ITPR2: variants seen among roughly 807,000 people sequenced by gnomAD.
ITPR2 encodes inositol 1,4,5-trisphosphate-gated calcium channel ITPR2.
In ITPR2, 207 loss-of-function variants were observed where a neutral mutation model predicts 317.1. That is an observed-to-expected ratio of 0.65 (90% CI 0.58 to 0.73). ITPR2 has a LOEUF of 0.73. ITPR2 is among the 30% of genes least tolerant of loss of function. The probability of loss-of-function intolerance (pLI) is 0.00; values close to 1 mark genes in which losing one functional copy is unlikely to be tolerated. For missense variants in ITPR2, 2,613 were observed against 3,284.0 expected, an observed-to-expected ratio of 0.80 and a Z score of 4.99; for synonymous variants, 1,156 against 1,149.1, an observed-to-expected ratio of 1.01 and a Z score of -0.12.
intron 39 of ITPR2, among the ~76,000 whole-genome samples, chr12:26,490,276 G>A (rs925247618): frequency 1.3e-5 from 2 of 152,144 alleles, no homozygotes; most frequent in African/African-American, 2.4e-5. Context: ...AGAAACAAGT[G>A]CATGGAAGCT....
intron 2 of ITPR2, among the ~76,000 whole-genome samples, chr12:26,779,019 C>A (rs1048426397): frequency 3.3e-5 from 5 of 152,166 alleles, no homozygotes; most frequent in African/African-American, 1.2e-4. Flanking sequence ...TATTGAGTGA[C>A]CCGAAAAGCT....
intron 2 of ITPR2, among the ~76,000 whole-genome samples, chr12:26,746,021 T>C (rs1949316408): frequency 6.6e-6 from 1 of 152,210 alleles, no homozygotes; most frequent in African/African-American, 2.4e-5. Context: ...ATTTTTTGTA[T>C]AGATCCTCAT....
chr12:26,536,802 A>G (rs1019127223), intron 37 of ITPR2, among the ~76,000 whole-genome samples: 3 of 152,204 alleles, frequency 2.0e-5, no homozygotes, highest in African/African-American at 7.2e-5. Flanking sequence ...TCAAGGTTCC[A>G]AAGTCTTAGA....
chr12:26,663,483 C>T (rs1947549163), intron 15 of ITPR2, among the ~76,000 whole-genome samples: 1 of 152,208 alleles, frequency 6.6e-6, no homozygotes. Flanking sequence ...CCCAGTGATT[C>T]TAATTTCATA....
At chr12:26,593,729 A>ATG (rs1945763491) in intron 32 of ITPR2, among the ~76,000 whole-genome samples, 1 of 85,680 alleles carries the variant, frequency 1.2e-5, no homozygotes, top group Admixed American at 9.8e-5. Context: ...AATCATTGCT[A>ATG]TTTTTTTGTT....
intron 52 of ITPR2, chr12:26,411,081 A>G: frequency 4.6e-6 from 2 of 438,918 alleles, no homozygotes; most frequent in South Asian, 2.6e-5. Flanking sequence ...CACATACCAC[A>G]GGGTAAATGT....
At chr12:26,669,830 G>C (rs917095733) in intron 13 of ITPR2, among the ~76,000 whole-genome samples, 1 of 152,220 alleles carries the variant, frequency 6.6e-6, no homozygotes, top group Non-Finnish European at 1.5e-5. Flanking sequence ...CTGGAAAATC[G>C]GGTCACTCCC....
Position 26,475,302 on chromosome 12 carries a change from G to A in ITPR2, c.6336C>T (p.Ala2112=), listed in dbSNP as rs200479256. ...AAGATATAAAATGTGACACCTGATG[G>A]GCCAGAATATAGATATTGTGTCCAA... The part of the protein sequence containing the change: ...KDVGHNIYIL[A]HQLARHNKLL... The change falls in exon 45 of 57, where the codon GCC becomes GCT. Residue 2112 remains alanine (A), a synonymous_variant. Transcript: ENST00000381340. The A allele has an allele frequency of 1.2e-6, 2 of 1,613,556 alleles. No homozygotes were observed. Among genetic ancestry groups the A allele is most frequent in the African/African-American group, 1.3e-5 (1 of 74,822 alleles).
At chr12:26,444,519 A>G (rs1941563068) in intron 45 of ITPR2, among the ~76,000 whole-genome samples, 1 of 152,162 alleles carries the variant, frequency 6.6e-6, no homozygotes, top group South Asian at 2.1e-4. Context: ...AAGCACTTCA[A>G]GTACATGATC....
chr12:26,755,213 T>C (rs1369788370), intron 2 of ITPR2, among the ~76,000 whole-genome samples: 1 of 152,216 alleles, frequency 6.6e-6, no homozygotes, highest in Admixed American at 6.5e-5. Context: ...ACTGTGGTTG[T>C]CCCAAGATAT....
chr12:26,784,995 A>G (rs1350270373), intron 2 of ITPR2, among the ~76,000 whole-genome samples: 4 of 8,798 alleles, frequency 4.5e-4, no homozygotes, highest in Non-Finnish European at 8.7e-4. Context: ...CTGGGCCGCA[A>G]CCCTGTCTGG....
chr12:26,547,404 C>G (rs191550768), intron 37 of ITPR2, among the ~76,000 whole-genome samples: 4 of 152,274 alleles, frequency 2.6e-5, no homozygotes, highest in Admixed American at 1.3e-4. Context: ...AAAAAAATAA[C>G]AGACGTTGAT....
At chr12:26,354,496 T>C (rs192257918) in intron 55 of ITPR2, among the ~76,000 whole-genome samples, 15 of 152,282 alleles carry the variant, frequency 9.9e-5, no homozygotes, top group African/African-American at 3.1e-4. Context: ...CCTGCTGTCA[T>C]CTGATTGTAC....
intron 2 of ITPR2, among the ~76,000 whole-genome samples, chr12:26,788,625 AC>A (rs1156727450): frequency 6.6e-6 from 1 of 151,984 alleles, no homozygotes; most frequent in African/African-American, 2.4e-5. Context: ...GCAAGTTCTC[AC>A]CCACATTCCT....
intron 34 of ITPR2, among the ~76,000 whole-genome samples, chr12:26,566,556 A>T (rs1944993268): frequency 6.6e-6 from 1 of 151,142 alleles, no homozygotes; most frequent in Non-Finnish European, 1.5e-5. Context: ...AAGGATAAGG[A>T]GGAGAGGAGA....
chr12:26,548,844 T>C (rs1241903932), intron 37 of ITPR2, among the ~76,000 whole-genome samples: 1 of 152,216 alleles, frequency 6.6e-6, no homozygotes, highest in Non-Finnish European at 1.5e-5. Context: ...AAACAAGTGA[T>C]TTATTTTAGA....
In ITPR2 at chr12:26,801,527, AG is replaced by A. The variant is rs145909618; in HGVS notation, c.93-11301del. ...CTGCTACCTTCCTTGATGTCACCCTAGGGTTGGGTTTGCTTTGGAGGATGCC... is the reference window on the plus strand; with the variant it reads ...CTGCTACCTTCCTTGATGTCACCCTAGGTTGGGTTTGCTTTGGAGGATGCC... On this transcript the variant is annotated intron_variant, in intron 1 of 56. Coordinates refer to ENST00000381340, the MANE Select transcript of ITPR2 (RefSeq NM_002223.4). 4.6e-5 allele frequency among the ~76,000 whole-genome samples: 7 copies of A among 152,248 alleles called. No individual in the cohort carries two copies. In the East Asian group the frequency reaches 1.4e-3, roughly 29 times the overall value.
intron 1 of ITPR2, among the ~76,000 whole-genome samples, chr12:26,802,357 AG>A (rs1157891208): frequency 6.6e-6 from 1 of 152,044 alleles, no homozygotes; most frequent in Non-Finnish European, 1.5e-5. Context: ...TGATAATATC[AG>A]ACAAATAGGG....
At chr12:26,724,582 C>A (rs1466657855) in intron 4 of ITPR2, 74 bp downstream of exon 4, 5 of 849,202 alleles carry the variant, frequency 5.9e-6, no homozygotes. Flanking sequence ...AATTTTAACG[C>A]AGTTTGGCTT....
Sources: gnomAD v4.1 joint callset for allele counts (sites outside exome capture counted in the v4.1 genomes callset) on GRCh38, gnomAD v4.1.1 for gene constraint, MANE v1.5 for transcripts, NCBI Gene and HGNC (gene_info 2026-07-23, HGNC 2026-07-21) for gene names.